FARS2: variants seen among roughly 807,000 people sequenced by gnomAD.
FARS2 encodes the protein phenylalanine--tRNA ligase, mitochondrial.
In FARS2, 40 loss-of-function variants were observed where a neutral mutation model predicts 46.4. The observed-to-expected ratio is 0.86, with a 90% CI of 0.67 to 1.12. The LOEUF is 1.12. Among genes scored for constraint, FARS2 ranks in the 50% most tolerant of loss-of-function variants. The pLI, the probability that FARS2 is intolerant of heterozygous loss-of-function variation, is 0.00. For missense variants in FARS2, 513 were observed against 567.9 expected, an observed-to-expected ratio of 0.90 and a Z score of 0.98; for synonymous variants, 234 against 214.9, an observed-to-expected ratio of 1.09 and a Z score of -0.78.
At chr6:5,354,198 C>A (rs1757768863) in intron 1 of FARS2, among the ~76,000 whole-genome samples, 1 of 152,010 alleles carries the variant, frequency 6.6e-6, no homozygotes, top group South Asian at 2.1e-4. Context: ...AGGTCTTTAC[C>A]CAATTTCATT....
chr6:5,270,660 A>G (rs1765880135), intron 1 of FARS2, among the ~76,000 whole-genome samples: 1 of 152,204 alleles, frequency 6.6e-6, no homozygotes. Flanking sequence ...TATAGACAGT[A>G]ATTTTTATAT....
intron 2 of FARS2, among the ~76,000 whole-genome samples, chr6:5,381,018 T>TTTA (rs1759734616): frequency 1.8e-5 from 1 of 55,938 alleles, no homozygotes. Flanking sequence ...TTATTTATTA[T>TTTA]GAGACAGAGT....
At position 5,661,781 on chromosome 6, in the gene FARS2, AAAG is replaced by A. The variant is rs573274523; in HGVS notation, c.1217+48466_1217+48468del. Among the ~76,000 whole-genome samples, 35 of 146,522 alleles carry A rather than the reference AAAG, an allele frequency of 2.4e-4. No individual in the cohort carries two copies. The East Asian group carries it at 4.8e-3, about 20-fold the overall frequency. Reference sequence around the variant, plus strand: ...GAGACAGTAAGTAGACAACTGAAGAAAAGAAGAGAGACAAGGCCATGCTTGGAA... The same window carrying A: ...GAGACAGTAAGTAGACAACTGAAGAAAAGAGAGACAAGGCCATGCTTGGAA... On this transcript the variant is annotated intron_variant, in intron 6 of 6. Coordinates refer to ENST00000274680, the MANE Select transcript of FARS2 (RefSeq NM_006567.5).
chr6:5,505,670 T>C (rs1207090844), intron 4 of FARS2, among the ~76,000 whole-genome samples: 1 of 152,132 alleles, frequency 6.6e-6, no homozygotes, highest in East Asian at 1.9e-4. Context: ...ACTGTCCCTC[T>C]TCAATGGCTG....
At chr6:5,420,926 G>A (rs968068188) in intron 3 of FARS2, among the ~76,000 whole-genome samples, 2 of 132,362 alleles carry the variant, frequency 1.5e-5, no homozygotes, top group Non-Finnish European at 3.3e-5. Flanking sequence ...GACCCATTCT[G>A]GGGTCTGGAG....
At chr6:5,556,603 AG>A (rs1349684354) in intron 5 of FARS2, among the ~76,000 whole-genome samples, 1 of 151,914 alleles carries the variant, frequency 6.6e-6, no homozygotes, top group Non-Finnish European at 1.5e-5. Context: ...TTTGTGAAAA[AG>A]GAGATCTTTT....
rs79860632 is a variant in FARS2 at position 5,765,475 on chromosome 6, G to C, written c.1218-5816G>C. Among the ~76,000 whole-genome samples, 56 of 152,306 alleles carry C rather than the reference G, an allele frequency of 3.7e-4. No homozygotes were observed. The East Asian group carries it at 0.01, about 27-fold the overall frequency. On this transcript the variant is annotated intron_variant, in intron 6 of 6. Transcript: ENST00000274680. This position sits in a 1 kb window ranked among gnomAD's most constrained non-coding sequence, Gnocchi z 4.0. ...CTGCCAATGGCAGGGAGCGTGGGCTGTCTTATATTCTGTTTGCCCCTCTCA... is the reference window on the plus strand; with the variant it reads ...CTGCCAATGGCAGGGAGCGTGGGCTCTCTTATATTCTGTTTGCCCCTCTCA...
chr6:5,404,822 C>A (rs182001065), intron 3 of FARS2, 121 bp downstream of exon 3: 2 of 685,112 alleles, frequency 2.9e-6, no homozygotes, highest in Admixed American at 3.8e-5. Context: ...TTCCCCGAGA[C>A]GGAGTCTTGC....
chr6:5,500,971 A>T (rs1767766934), intron 4 of FARS2, among the ~76,000 whole-genome samples: 1 of 128,646 alleles, frequency 7.8e-6, no homozygotes, highest in Non-Finnish European at 1.6e-5. Flanking sequence ...AGAGAGAGAG[A>T]TGCCAGGTCT....
chr6:5,280,669 CAGAT>C (rs1766655227), intron 1 of FARS2, among the ~76,000 whole-genome samples: 2 of 151,760 alleles, frequency 1.3e-5, no homozygotes, highest in Non-Finnish European at 2.9e-5. Context: ...TTTACTTCCT[CAGAT>C]AGGCCTTCCC....
intron 4 of FARS2, among the ~76,000 whole-genome samples, chr6:5,538,695 A>C (rs1770374996): frequency 1.3e-5 from 2 of 152,154 alleles, no homozygotes; most frequent in African/African-American, 4.8e-5. Flanking sequence ...AGTCGCCAGT[A>C]TTGTCTTACT....
chr6:5,551,727 G>A lies in FARS2; in HGVS notation c.1065+6387G>A, dbSNP rs377603330. The stretch of plus-strand genomic sequence containing the variant: ...GGTGTCAGCAGGGCTGGTTCCTTCT[G>A]GAGGCTCTGGGGGAGAATCTGTTCC... On this transcript the variant is annotated intron_variant, in intron 5 of 6. Coordinates refer to ENST00000274680, the MANE Select transcript of FARS2 (RefSeq NM_006567.5). 2.4e-4 allele frequency among the ~76,000 whole-genome samples: 36 copies of A among 152,274 alleles called. No individual in the cohort carries two copies. The South Asian group carries it at 6.4e-3, about 27-fold the overall frequency.
chr6:5,365,510 A>ATTT (rs144909598), intron 1 of FARS2, among the ~76,000 whole-genome samples: 3 of 127,970 alleles, frequency 2.3e-5, no homozygotes, highest in Non-Finnish European at 4.7e-5. Flanking sequence ...ATTAAATAAA[A>ATTT]TTTTTTTTTT....
At chr6:5,260,931 G>T, upstream of FARS2, 1 of 1,353,454 alleles carries the variant, frequency 7.4e-7, no homozygotes, top group Non-Finnish European at 9.5e-7. Flanking sequence ...CCGCTTCGGG[G>T]GCGGGCGCAG....
intron 6 of FARS2, among the ~76,000 whole-genome samples, chr6:5,622,113 C>T (rs572391714): frequency 7.0e-4 from 106 of 152,300 alleles, no homozygotes; most frequent in African/African-American, 2.4e-3. Flanking sequence ...GGGCCACCTG[C>T]ACATGGACCA....
rs1208250103 is a variant in FARS2, at chr6:5,508,766, C to T, written c.905-36414C>T. On this transcript the variant is annotated intron_variant, in intron 4 of 6. Coordinates refer to ENST00000274680, the MANE Select transcript of FARS2 (RefSeq NM_006567.5). ...AGCAAGTGACAGGATGACAGCCAGG[C>T]AGCCGTACGCAGGGCGGACTGGAAT... is the stretch of plus-strand genomic sequence containing the variant. Among the ~76,000 whole-genome samples the T allele has an allele frequency of 2.0e-5, 3 of 152,184 alleles. No individual in the cohort carries two copies. The East Asian group carries it at 5.8e-4, about 29-fold the overall frequency.
chr6:5,418,699 G>A (rs552598909), intron 3 of FARS2, among the ~76,000 whole-genome samples: 1 of 152,094 alleles, frequency 6.6e-6, no homozygotes, highest in South Asian at 2.1e-4. Context: ...CCTTTACTCT[G>A]CCCTGAGAAT....
At chr6:5,438,650 T>C (rs1186958738) in intron 4 of FARS2, among the ~76,000 whole-genome samples, 15 of 152,190 alleles carry the variant, frequency 9.9e-5, no homozygotes. Context: ...TAAATACATG[T>C]TGAATATCCA....
chr6:5,257,664 C>T (rs12215806), upstream of FARS2, among the ~76,000 whole-genome samples: 61,447 of 151,926 alleles, frequency 0.4, 13,972 homozygotes, highest in East Asian at 0.58. Context: ...CTCATAGGTG[C>T]ACCTATTGTG....
Sources: allele counts gnomAD v4.1 joint callset (sites outside exome capture counted in the v4.1 genomes callset), GRCh38; gene constraint gnomAD v4.1.1; non-coding constraint Gnocchi (gnomAD v3.1); transcripts MANE v1.5; gene names NCBI Gene and HGNC (gene_info 2026-07-23, HGNC 2026-07-21).